CHRDL1: variants seen among roughly 807,000 people sequenced by gnomAD.
CHRDL1 encodes chordin-like protein 1.
A neutral mutation model predicts 40.9 loss-of-function variants in CHRDL1; 19 were observed. The ratio of observed to expected loss-of-function variants is 0.46; its 90% confidence interval spans 0.32 to 0.68. The LOEUF (loss-of-function observed/expected upper bound fraction) is 0.68, where lower values mean the gene tolerates loss of function less well. Ranked by LOEUF, CHRDL1 falls within the 30% of genes least tolerant of loss-of-function variation. CHRDL1 has a pLI of 0.03. For synonymous variants in CHRDL1, 136 were observed against 123.4 expected (o/e 1.10, Z -0.68); for missense variants, 329 against 352.1 (o/e 0.93, Z 0.53).
intron 7 of CHRDL1, among the ~76,000 whole-genome samples, chrX:110,695,283 C>G (rs980391211): frequency 3.6e-5 from 4 of 111,815 alleles, no homozygotes; most frequent in Non-Finnish European, 5.6e-5. Context: ...AAATCAAGGA[C>G]TTTTTGTTCA....
intron 10 of CHRDL1, among the ~76,000 whole-genome samples, chrX:110,680,819 A>T (rs1284828991): frequency 1.8e-5 from 2 of 112,378 alleles, no homozygotes; most frequent in African/African-American, 6.5e-5. Flanking sequence ...CAATGAACAG[A>T]ATGTGGCTTG....
intron 4 of CHRDL1, among the ~76,000 whole-genome samples, chrX:110,749,001 TAAAC>T (rs1460026887): frequency 1.8e-5 from 2 of 108,373 alleles, no homozygotes; most frequent in Non-Finnish European, 3.8e-5. Context: ...AATCACAAAT[TAAAC>T]AAAAAAGAGA....
At chrX:110,747,091 G>A (rs1379060388) in intron 4 of CHRDL1, among the ~76,000 whole-genome samples, 1 of 110,157 alleles carries the variant, frequency 9.1e-6, no homozygotes, top group East Asian at 2.9e-4. Context: ...CACTTTGAGG[G>A]AAGGCAGGCA....
intron 8 of CHRDL1, among the ~76,000 whole-genome samples, chrX:110,689,072 GTATATATATA>G (rs758293619): frequency 9.6e-5 from 3 of 31,162 alleles, no homozygotes; most frequent in Admixed American, 4.3e-4. Flanking sequence ...ATATATATAT[GTATATATATA>G]TATATATATA....
chrX:110,683,386 T>A (rs56015806), intron 9 of CHRDL1, among the ~76,000 whole-genome samples: 1 of 112,262 alleles, frequency 8.9e-6, no homozygotes, highest in African/African-American at 3.2e-5. Flanking sequence ...GGGAAGACAA[T>A]GTGCTTGATG....
intron 2 of CHRDL1, among the ~76,000 whole-genome samples, chrX:110,771,547 T>C (rs889375613): frequency 8.9e-6 from 1 of 112,487 alleles, no homozygotes; most frequent in African/African-American, 3.2e-5. Flanking sequence ...CCAATCAATG[T>C]AATTCACCAT....
intron 2 of CHRDL1, among the ~76,000 whole-genome samples, chrX:110,785,282 T>C (rs2052621901): frequency 1.8e-5 from 2 of 111,684 alleles, no homozygotes; most frequent in Non-Finnish European, 3.8e-5. Flanking sequence ...GAGACTCCAA[T>C]TGTGAATTGA....
chrX:110,737,869 C>G lies in CHRDL1; in HGVS notation c.302-16339G>C, dbSNP rs932607907. On this transcript the variant is annotated intron_variant, in intron 4 of 11. Transcript: ENST00000372042. ...AAAAAAATTTACAACTACAGTAGTTCTCAACTGGGGCCAACTTTTCCCCAG... is the reference window on the plus strand; with the variant it reads ...AAAAAAATTTACAACTACAGTAGTTGTCAACTGGGGCCAACTTTTCCCCAG... Among the ~76,000 whole-genome samples, 3 of 111,495 alleles carry G rather than the reference C, an allele frequency of 2.7e-5. No individual in the cohort carries two copies. The East Asian group carries it at 8.5e-4, about 31-fold the overall frequency.
At chrX:110,731,279 A>G (rs1394500417) in intron 4 of CHRDL1, among the ~76,000 whole-genome samples, 1 of 111,968 alleles carries the variant, frequency 8.9e-6, no homozygotes, top group African/African-American at 3.3e-5. Context: ...CTACAATGAG[A>G]TACCATTTCA....
At chrX:110,731,039 C>A (rs976004511) in intron 4 of CHRDL1, among the ~76,000 whole-genome samples, 1 of 111,201 alleles carries the variant, frequency 9.0e-6, no homozygotes, top group Non-Finnish European at 1.9e-5. Context: ...GGAAAGCAAT[C>A]AATAGAGCAG....
chrX:110,729,776 T>G (rs2071124852), intron 4 of CHRDL1, among the ~76,000 whole-genome samples: 1 of 111,790 alleles, frequency 8.9e-6, no homozygotes, highest in Non-Finnish European at 1.9e-5. Flanking sequence ...AAAGCTCCAT[T>G]GCTAATTATT....
chrX:110,695,828 G>A (rs1392511256), intron 7 of CHRDL1, among the ~76,000 whole-genome samples: 1 of 112,237 alleles, frequency 8.9e-6, no homozygotes, highest in Non-Finnish European at 1.9e-5. Flanking sequence ...AGAGTAAACA[G>A]GAGCTGAAGT....
intron 2 of CHRDL1, among the ~76,000 whole-genome samples, chrX:110,788,572 A>G (rs1029587464): frequency 1.8e-5 from 2 of 111,083 alleles, no homozygotes; most frequent in Non-Finnish European, 3.8e-5. Context: ...ACCCAGGCCT[A>G]CTCTTACCCA....
chrX:110,738,695 C>G (rs2071306884), intron 4 of CHRDL1, among the ~76,000 whole-genome samples: 1 of 105,297 alleles, frequency 9.5e-6, no homozygotes, highest in African/African-American at 3.5e-5. Context: ...TGAGCCGACA[C>G]TGCGCCACTA....
intron 2 of CHRDL1, among the ~76,000 whole-genome samples, chrX:110,780,824 A>G (rs1037202583): frequency 1.8e-5 from 2 of 111,331 alleles, no homozygotes; most frequent in South Asian, 3.8e-4. Flanking sequence ...GCAAGGTTGA[A>G]TATATATTCA....
chrX:110,708,464 A>G (rs1173600887), intron 6 of CHRDL1, among the ~76,000 whole-genome samples: 1 of 111,521 alleles, frequency 9.0e-6, no homozygotes, highest in East Asian at 2.8e-4. Context: ...ACAGCCATAA[A>G]AAGGATCAGA....
intron 1 of CHRDL1, among the ~76,000 whole-genome samples, chrX:110,794,450 CA>C (rs748421607): frequency 9.0e-6 from 1 of 111,468 alleles, no homozygotes; most frequent in East Asian, 2.8e-4. Context: ...ACAACAACAA[CA>C]AAAAAACAAA....
At chrX:110,786,569 G>T (rs1396607188) in intron 2 of CHRDL1, among the ~76,000 whole-genome samples, 2 of 111,650 alleles carry the variant, frequency 1.8e-5, no homozygotes, top group Admixed American at 9.6e-5. Flanking sequence ...TTACTTCATA[G>T]AACACGAATG....
At chrX:110,754,041 C>T (rs959942283) in intron 4 of CHRDL1, among the ~76,000 whole-genome samples, 1 of 112,472 alleles carries the variant, frequency 8.9e-6, no homozygotes, top group Non-Finnish European at 1.9e-5. Flanking sequence ...GCCAAGTACA[C>T]TAACTCAACT....
Sources: allele counts gnomAD v4.1 joint callset (sites outside exome capture counted in the v4.1 genomes callset), GRCh38; gene constraint gnomAD v4.1.1; transcripts MANE v1.5; gene names NCBI Gene and HGNC (gene_info 2026-07-23, HGNC 2026-07-21).